Variants in MYO16 observed in about 807,000 individuals in gnomAD.
MYO16 encodes unconventional myosin-XVI.
A neutral mutation model predicts 205.3 loss-of-function variants in MYO16; 94 were observed. That is an observed-to-expected ratio of 0.46 (90% CI 0.39 to 0.54). The LOEUF is 0.54. Ranked by LOEUF, MYO16 falls within the 20% of genes least tolerant of loss-of-function variation. The probability of loss-of-function intolerance (pLI) is 0.00; values close to 1 mark genes in which losing one functional copy is unlikely to be tolerated. For missense variants in MYO16, 2,315 were observed against 2,387.5 expected (o/e 0.97, Z 0.63); for synonymous variants, 988 against 954.0 (o/e 1.04, Z -0.66).
At chr13:108,522,622 G>T in the MYO16 span, among the ~76,000 whole-genome samples, 1 of 152,136 alleles carries the variant, frequency 6.6e-6, no homozygotes, top group African/African-American at 2.4e-5. Context: ...GAGCAGGGTT[G>T]AGTCCTCCTG....
chr13:108,938,585 T>A lies in MYO16; in HGVS notation c.1926-19103T>A, dbSNP rs1322060580. On this transcript the variant is annotated intron_variant, in intron 16 of 34. Coordinates refer to ENST00000457511, the MANE Select transcript of MYO16 (RefSeq NM_001198950.3). Reference sequence around the variant, plus strand: ...ATGTGGGGGTGGCCTAACCTCCTACTCCAGGAGAGTGGGTGCTCCAGATGC... The same window carrying A: ...ATGTGGGGGTGGCCTAACCTCCTACACCAGGAGAGTGGGTGCTCCAGATGC... Among the ~76,000 whole-genome samples the A allele has an allele frequency of 2.6e-5, 4 of 152,324 alleles. No homozygotes were observed. In the South Asian group the frequency reaches 8.3e-4, roughly 32 times the overall value.
chr13:108,891,082 A>G (rs1017262572), intron 14 of MYO16, among the ~76,000 whole-genome samples: 8 of 152,228 alleles, frequency 5.3e-5, no homozygotes, highest in Non-Finnish European at 1.2e-4. Context: ...ATATACTAAA[A>G]TAAGTATCGT....
At chr13:108,924,462 C>G (rs1258004045) in intron 16 of MYO16, among the ~76,000 whole-genome samples, 1 of 152,160 alleles carries the variant, frequency 6.6e-6, no homozygotes, top group Non-Finnish European at 1.5e-5. Flanking sequence ...CACCCTCACC[C>G]CGTGTTGTCA....
At position 109,207,788 on chromosome 13, in the gene MYO16, G is replaced by A. The variant is rs1296541882; in HGVS notation, c.*952G>A. The A allele has an allele frequency of 6.6e-6, 1 of 152,256 alleles. No homozygotes were observed. Among genetic ancestry groups the A allele is most frequent in the Non-Finnish European group, 1.5e-5 (1 of 68,058 alleles). 9.4% of individuals were successfully genotyped at this position (152,256 alleles called of 1,614,324 possible). On this transcript the variant is annotated 3_prime_UTR_variant, in exon 35 of 35. Coordinates refer to ENST00000457511, the MANE Select transcript of MYO16 (RefSeq NM_001198950.3). The stretch of plus-strand genomic sequence containing the variant: ...TGAGCAGTAGGGGCTGCATCGCACA[G>A]CGCTCGTCCCCCGGGACTTACACTG...
intron 31 of MYO16, among the ~76,000 whole-genome samples, chr13:109,128,095 G>T (rs944893229): frequency 1.3e-5 from 2 of 152,186 alleles, no homozygotes; most frequent in Non-Finnish European, 2.9e-5. Flanking sequence ...AGATCTCATA[G>T]ATCAGTAATG....
chr13:108,905,255 G>T (rs1205844045), intron 15 of MYO16, among the ~76,000 whole-genome samples: 1 of 152,132 alleles, frequency 6.6e-6, no homozygotes, highest in Non-Finnish European at 1.5e-5. Flanking sequence ...TAGGGGACCA[G>T]ACTCCATGGT....
chr13:108,788,936 T>A (rs887690546), intron 5 of MYO16, among the ~76,000 whole-genome samples: 4 of 152,206 alleles, frequency 2.6e-5, no homozygotes, highest in African/African-American at 9.6e-5. Flanking sequence ...TTGCTAAATG[T>A]TGGTCCCTCC....
At chr13:108,869,603 CGT>C (rs1878927668) in intron 12 of MYO16, among the ~76,000 whole-genome samples, 1 of 149,734 alleles carries the variant, frequency 6.7e-6, no homozygotes, top group Non-Finnish European at 1.5e-5. Flanking sequence ...TCGTGGCGGG[CGT>C]CTGTAGTCCC....
upstream of MYO16, among the ~76,000 whole-genome samples, chr13:108,627,297 A>T (rs1879780024): frequency 6.6e-6 from 1 of 152,182 alleles, no homozygotes; most frequent in East Asian, 1.9e-4. Flanking sequence ...TGGGGAAATT[A>T]TATGTAGATA....
In MYO16 at chr13:108,844,944, CGT is replaced by C. The variant is rs139662631; in HGVS notation, c.1248+463_1248+464del. Among the ~76,000 whole-genome samples, 388 of 151,554 alleles carry C rather than the reference CGT, an allele frequency of 2.6e-3. 3 individuals carry two copies. Among genetic ancestry groups the C allele is most frequent in the African/African-American group, 9.0e-3 (371 of 41,316 alleles). On this transcript the variant is annotated intron_variant, in intron 10 of 34. Coordinates refer to ENST00000457511, the MANE Select transcript of MYO16 (RefSeq NM_001198950.3). ...TGTACGTGTCTGTGTGTTTATGTTG[CGT>C]GTGTGTGTGTGCATATGTGTACTTG... is the stretch of plus-strand genomic sequence containing the variant.
chr13:108,806,744 C>A lies in MYO16; in HGVS notation c.807C>A (p.Asp269Glu), dbSNP rs1196693523. 2.5e-6 allele frequency: 4 copies of A among 1,613,194 alleles called. No individual in the cohort carries two copies. Among genetic ancestry groups the A allele is most frequent in the South Asian group, 2.2e-5 (2 of 91,044 alleles). ...VVSLILEHGG[D>E]LNIVDDQYWT... ...CTCTTATCCTGGAACATGGTGGAGA[C>A]CTCAACATAGTAGATGATCAGTACT... Residue 269 changes from aspartate (D) to glutamate (E), a missense_variant, in exon 7 of 35, where the codon GAC becomes GAA. By Grantham distance (45) the Asp-to-Glu change is conservative (BLOSUM62 2). Transcript: ENST00000457511.
chr13:108,842,249 A>C (rs943586025), intron 9 of MYO16, among the ~76,000 whole-genome samples: 8 of 152,178 alleles, frequency 5.3e-5, no homozygotes, highest in Non-Finnish European at 2.9e-5. Context: ...TGCACAGCAA[A>C]GAAAACAATA....
intron 28 of MYO16, among the ~76,000 whole-genome samples, chr13:109,114,141 G>C (rs1203906375): frequency 2.0e-5 from 3 of 152,162 alleles, no homozygotes; most frequent in Admixed American, 6.5e-5. Flanking sequence ...GACACACAGA[G>C]CAGGGGACCA....
At chr13:109,097,175 A>C (rs1455272580) in intron 27 of MYO16, among the ~76,000 whole-genome samples, 1 of 152,202 alleles carries the variant, frequency 6.6e-6, no homozygotes, top group Non-Finnish European at 1.5e-5. Context: ...CTAAAAATAC[A>C]GAAATTAGTT....
intron 2 of MYO16, among the ~76,000 whole-genome samples, chr13:108,701,548 C>G (rs951114000): frequency 3.9e-5 from 6 of 152,086 alleles, no homozygotes; most frequent in Non-Finnish European, 4.4e-5. Flanking sequence ...GGATATAGAA[C>G]AGTTAGAAAA....
intron 1 of MYO16, among the ~76,000 whole-genome samples, chr13:108,644,348 C>T (rs1271988270): frequency 7.9e-6 from 1 of 127,014 alleles, no homozygotes; most frequent in African/African-American, 3.6e-5. Flanking sequence ...ATTCTACCAT[C>T]TATCTGTCTG....
chr13:108,953,439 T>C (rs112472254), intron 16 of MYO16, among the ~76,000 whole-genome samples: 136 of 152,346 alleles, frequency 8.9e-4, no homozygotes, highest in African/African-American at 3.2e-3. Context: ...GTAGGAGGCA[T>C]ACCACATGCA....
At chr13:108,680,618 T>G (rs1882422354) in intron 2 of MYO16, among the ~76,000 whole-genome samples, 1 of 152,242 alleles carries the variant, frequency 6.6e-6, no homozygotes, top group Non-Finnish European at 1.5e-5. Flanking sequence ...GAGGCACTTT[T>G]TAATCCATAG....
At chr13:108,836,654 C>G (rs755024052) in intron 9 of MYO16, among the ~76,000 whole-genome samples, 1 of 152,190 alleles carries the variant, frequency 6.6e-6, no homozygotes, top group African/African-American at 2.4e-5. Flanking sequence ...GCCATGGGAG[C>G]CCACCTCTTG....
Sources: gnomAD v4.1 joint callset for allele counts (sites outside exome capture counted in the v4.1 genomes callset) on GRCh38, gnomAD v4.1.1 for gene constraint, MANE v1.5 for transcripts, NCBI Gene and HGNC (gene_info 2026-07-23, HGNC 2026-07-21) for gene names.